The following FOXK1 variants were observed in gnomAD, a reference collection of about 807,000 sequenced individuals.
FOXK1 encodes forkhead box protein K1.
A neutral mutation model predicts 51.9 loss-of-function variants in FOXK1; 19 were observed. The ratio of observed to expected loss-of-function variants is 0.37; its 90% CI spans 0.26 to 0.54. FOXK1 has a LOEUF of 0.54. Ranked by LOEUF, FOXK1 falls within the 20% of genes least tolerant of loss-of-function variation. The pLI, the probability that FOXK1 is intolerant of heterozygous loss-of-function variation, is 0.87. For missense variants in FOXK1, 870 were observed against 1,032.7 expected, an observed-to-expected ratio of 0.84 and a Z score of 2.16; for synonymous variants, 537 against 482.6, an observed-to-expected ratio of 1.11 and a Z score of -1.48.
intron 1 of FOXK1, among the ~76,000 whole-genome samples, chr7:4,691,833 C>T (rs1315516517): frequency 2.0e-5 from 3 of 152,132 alleles, no homozygotes; most frequent in Non-Finnish European, 4.4e-5. Context: ...TCAGCAGAGA[C>T]CCTGTTATTA....
intron 1 of FOXK1, among the ~76,000 whole-genome samples, chr7:4,739,250 C>CG (rs936267180): frequency 6.6e-6 from 1 of 152,206 alleles, no homozygotes; most frequent in African/African-American, 2.4e-5. Flanking sequence ...TGAATGCCTT[C>CG]GGGAACTCTG....
intron 1 of FOXK1, among the ~76,000 whole-genome samples, chr7:4,688,644 C>T (rs1350043251): frequency 1.3e-5 from 2 of 152,170 alleles, no homozygotes; most frequent in African/African-American, 4.8e-5. Context: ...GCCTCAGCCT[C>T]TCAAAGTGTT....
At chr7:4,726,897 G>A (rs1436675178) in intron 1 of FOXK1, among the ~76,000 whole-genome samples, 1 of 152,170 alleles carries the variant, frequency 6.6e-6, no homozygotes, top group Non-Finnish European at 1.5e-5. Flanking sequence ...TTAGCACACA[G>A]TACCTGGTAT....
chr7:4,757,294 C>A, intron 5 of FOXK1, 107 bp downstream of exon 5: 1 of 1,014,410 alleles, frequency 9.9e-7, no homozygotes, highest in Non-Finnish European at 1.5e-6. Context: ...GGCTCAGGCT[C>A]AGTGTACGGG....
intron 1 of FOXK1, among the ~76,000 whole-genome samples, chr7:4,724,046 T>G (rs779131344): frequency 7.9e-5 from 12 of 152,108 alleles, no homozygotes; most frequent in Non-Finnish European, 2.9e-5. Context: ...GTACTTTGGA[T>G]TATTAAGTTG....
In FOXK1 at chr7:4,759,091, C is replaced by T; in HGVS notation, c.1285C>T (p.Pro429Ser). 1.2e-6 allele frequency: 2 copies of T among 1,610,412 alleles called. No individual in the cohort carries two copies. Among genetic ancestry groups the T allele is most frequent in the Non-Finnish European group, 1.7e-6 (2 of 1,179,536 alleles). The part of the protein sequence containing the change: ...ASPTHPGLMS[P>S]RSGGLQTPEC... ...GCCCACACACCCCGGGCTGATGTCCCCTCGCTCCGGCGGCCTGCAGACCCC... is the reference window on the plus strand; with the variant it reads ...GCCCACACACCCCGGGCTGATGTCCTCTCGCTCCGGCGGCCTGCAGACCCC... The change falls in exon 6 of 9, where the codon CCT becomes TCT. Residue 429 changes from proline to serine, a missense_variant. By Grantham distance (74) the Pro-to-Ser change is moderately conservative. This residue lies in a region of FOXK1 where 457 missense variants were observed against 510.8 expected (regional missense o/e 0.89). Coordinates refer to ENST00000328914, the MANE Select transcript of FOXK1 (RefSeq NM_001037165.2).
In FOXK1 at chr7:4,756,159, G is replaced by A. The variant is rs555764915; in HGVS notation, c.1050+776G>A. On this transcript the variant is annotated intron_variant, in intron 4 of 8. Transcript: ENST00000328914. This position sits in a 1 kb window ranked among gnomAD's most constrained non-coding sequence, Gnocchi z 4.1. ...AGACAGGATCTCGCTCTGCCATCCCGGCTGGAGTGTGGTGGCGCGATCTCA... is the reference window on the plus strand; with the variant it reads ...AGACAGGATCTCGCTCTGCCATCCCAGCTGGAGTGTGGTGGCGCGATCTCA... Among the ~76,000 whole-genome samples, 16 of 152,190 alleles carry A rather than the reference G, an allele frequency of 1.1e-4. No homozygotes were observed. The South Asian group carries it at 1.7e-3, about 16-fold the overall frequency.
chr7:4,761,186 G>A lies in FOXK1; in HGVS notation c.1819G>A (p.Ala607Thr), dbSNP rs565840410. The A allele has an allele frequency of 1.4e-4, 230 of 1,612,866 alleles. 1 individual carries two copies. In the South Asian group the frequency reaches 2.0e-3, roughly 14 times the overall value. Residue 607 changes from alanine (A) to threonine (T), a missense_variant, in exon 8 of 9, where the codon GCC (alanine) becomes ACC (threonine). Physicochemically the swap from Ala to Thr is moderately conservative, Grantham distance 58. Coordinates refer to ENST00000328914, the MANE Select transcript of FOXK1 (RefSeq NM_001037165.2). The surrounding 1 kb of genome is among the most constrained non-coding windows in gnomAD (Gnocchi z 6.2). ...ACACACGGTCACCATCCTGCAGCCC[G>A]CCACACCCGTGACCCTCGGGCAGCA... ...PGHTVTILQPATPVTLGQHHL... is the reference protein window; with the variant it reads ...PGHTVTILQPTTPVTLGQHHL...
Position 4,682,554 on chromosome 7 carries a change from G to A in FOXK1, c.246G>A (p.Ala82=). Residue 82 remains alanine (A), a synonymous_variant, in exon 1 of 9, where the codon GCG becomes GCA. Coordinates refer to ENST00000328914, the MANE Select transcript of FOXK1 (RefSeq NM_001037165.2). This position sits in a 1 kb window ranked among gnomAD's most constrained non-coding sequence, Gnocchi z 7.6. ...GGSSGVSGDS[A]VAGAAPALVA... is the part of the protein sequence containing the mutation. ...CCTCCGGGGTATCCGGGGACTCCGC[G>A]GTCGCGGGCGCGGCGCCGGCCCTGG... 8.6e-7 allele frequency: 1 copy of A among 1,163,590 alleles called. No individual in the cohort carries two copies. Among genetic ancestry groups the A allele is most frequent in the Middle Eastern group, 3.5e-4 (1 of 2,824 alleles). 72.1% of individuals were successfully genotyped at this position (1,163,590 alleles called of 1,614,324 possible).
rs188315763 is a variant in FOXK1, at chr7:4,749,919, C to T, written c.747-4540C>T. On this transcript the variant is annotated intron_variant, in intron 2 of 8. Coordinates refer to ENST00000328914, the MANE Select transcript of FOXK1 (RefSeq NM_001037165.2). The surrounding 1 kb of genome is among the most constrained non-coding windows in gnomAD (Gnocchi z 6.0). ...TGTGTGTCCCACAGCCCGTCCGTCCCTCTGCAGTCTCCCTGCACTGGCATG... is the reference window on the plus strand; with the variant it reads ...TGTGTGTCCCACAGCCCGTCCGTCCTTCTGCAGTCTCCCTGCACTGGCATG... 5.3e-5 allele frequency among the ~76,000 whole-genome samples: 8 copies of T among 152,342 alleles called. No individual in the cohort carries two copies. Among genetic ancestry groups the T allele is most frequent in the Admixed American group, 2.6e-4 (4 of 15,300 alleles).
Position 4,689,988 on chromosome 7 carries a change from G to T in FOXK1, c.560+7120G>T, listed in dbSNP as rs139032343. Reference sequence around the variant, plus strand: ...ATCAGTCTCTTTCCAGCGAGTAGACGTGAAAACTCAGGTGGTGCTGTCTCG... The same window carrying T: ...ATCAGTCTCTTTCCAGCGAGTAGACTTGAAAACTCAGGTGGTGCTGTCTCG... On this transcript the variant is annotated intron_variant, in intron 1 of 8. Transcript: ENST00000328914. Among the ~76,000 whole-genome samples, 21 of 152,314 alleles carry T rather than the reference G, an allele frequency of 1.4e-4. No homozygotes were observed. The South Asian group carries it at 3.9e-3, about 29-fold the overall frequency.
chr7:4,768,804 C>T lies in FOXK1; in HGVS notation c.*6340C>T, dbSNP rs775017998. 7 of 152,282 alleles carry T rather than the reference C, an allele frequency of 4.6e-5. No homozygotes were observed. Among genetic ancestry groups the T allele is most frequent in the Non-Finnish European group, 1.0e-4 (7 of 68,104 alleles). The allele number at this position is 152,282 out of a possible 1,614,324, so 9.4% of individuals were successfully genotyped here. A position where few individuals can be genotyped will look rare whatever the true frequency, so the allele number is the denominator to read the frequency against. On this transcript the variant is annotated 3_prime_UTR_variant, in exon 9 of 9. Transcript: ENST00000328914. ...GACTGATGAACCTCGCCGTGCCTGT[C>T]TGTCACATCCAAGTCTGTGCCAGCT...
In FOXK1 at chr7:4,734,982, G is replaced by A. The variant is rs989583140; in HGVS notation, c.561-5856G>A. The stretch of plus-strand genomic sequence containing the variant: ...CTGATTATTTCTCTGAGTCTGAAAT[G>A]ATGACAATTGTATTTATATTTATGT... On this transcript the variant is annotated intron_variant, in intron 1 of 8. Transcript: ENST00000328914. This position sits in a 1 kb window ranked among gnomAD's most constrained non-coding sequence, Gnocchi z 5.2. Among the ~76,000 whole-genome samples the A allele has an allele frequency of 6.6e-6, 1 of 152,184 alleles. No individual in the cohort carries two copies. The highest frequency in any genetic ancestry group is 1.5e-5 in the Non-Finnish European group (1 of 68,050).
At position 4,764,385 on chromosome 7, in the gene FOXK1, G is replaced by A. The variant is rs1019591524; in HGVS notation, c.*1921G>A. On this transcript the variant is annotated 3_prime_UTR_variant, in exon 9 of 9. Transcript: ENST00000328914. ...CTCTTTGTGGAAGTCCGTACCTGTT[G>A]CCCTGGGTGAGGTTTCAGAGAAACG... The A allele has an allele frequency of 1.3e-5, 2 of 154,456 alleles. No individual in the cohort carries two copies. The allele number at this position is 154,456 out of a possible 1,614,324, so 9.6% of individuals were successfully genotyped here. A position where few individuals can be genotyped will look rare whatever the true frequency, so the allele number is the denominator to read the frequency against.
At chr7:4,740,278 A>C (rs1011600126) in intron 1 of FOXK1, among the ~76,000 whole-genome samples, 1 of 151,866 alleles carries the variant, frequency 6.6e-6, no homozygotes, top group Non-Finnish European at 1.5e-5. Context: ...AAAATATAAA[A>C]AATTAGCCGG....
chr7:4,742,288 G>T (rs1780644266), intron 2 of FOXK1, among the ~76,000 whole-genome samples: 1 of 152,212 alleles, frequency 6.6e-6, no homozygotes, highest in African/African-American at 2.4e-5. Flanking sequence ...CTGTTGGAGC[G>T]AGCGCTGTGG....
rs143814460 is a variant in FOXK1 at position 4,711,844 on chromosome 7, G to A, written c.560+28976G>A. ...CAGAGAGAAAAGATTGCGGCCGGCC[G>A]GTGTCAAGGCGGGGGACCTGTGAGC... is the stretch of plus-strand genomic sequence containing the variant. On this transcript the variant is annotated intron_variant, in intron 1 of 8. Transcript: ENST00000328914. This position sits in a 1 kb window ranked among gnomAD's most constrained non-coding sequence, Gnocchi z 6.3. Among the ~76,000 whole-genome samples the A allele has an allele frequency of 0.011, 1,702 of 152,218 alleles. 32 individuals carry two copies. Among genetic ancestry groups the A allele is most frequent in the African/African-American group, 0.039 (1,622 of 41,530 alleles).
Position 4,703,763 on chromosome 7 carries a change from C to G in FOXK1, c.560+20895C>G, listed in dbSNP as rs921477949. On this transcript the variant is annotated intron_variant, in intron 1 of 8. Coordinates refer to ENST00000328914, the MANE Select transcript of FOXK1 (RefSeq NM_001037165.2). The surrounding 1 kb of genome is among the most constrained non-coding windows in gnomAD (Gnocchi z 5.6). Reference sequence around the variant, plus strand: ...TGCTCCGGAGGCACTTTCAGAGCATCGTGACTAGATAAAAGTAGGTGAAAA... The same window carrying G: ...TGCTCCGGAGGCACTTTCAGAGCATGGTGACTAGATAAAAGTAGGTGAAAA... 1.8e-4 allele frequency among the ~76,000 whole-genome samples: 27 copies of G among 152,146 alleles called. No homozygotes were observed. Among genetic ancestry groups the G allele is most frequent in the Middle Eastern group, 3.4e-3 (1 of 294 alleles).
rs955612962 is a variant in FOXK1, at chr7:4,735,073, G to T, written c.561-5765G>T. Among the ~76,000 whole-genome samples the T allele has an allele frequency of 2.6e-5, 4 of 152,162 alleles. No homozygotes were observed. The highest frequency in any genetic ancestry group is 9.7e-5 in the African/African-American group (4 of 41,442). ...TTTCTGTTTGGCCGGGCAGGTGGTAGGATTTGTGGCCTAGGGAGGGGATGG... is the reference window on the plus strand; with the variant it reads ...TTTCTGTTTGGCCGGGCAGGTGGTATGATTTGTGGCCTAGGGAGGGGATGG... On this transcript the variant is annotated intron_variant, in intron 1 of 8. Transcript: ENST00000328914. The surrounding 1 kb of genome is among the most constrained non-coding windows in gnomAD (Gnocchi z 4.7).
Sources: gnomAD v4.1 joint callset for allele counts (sites outside exome capture counted in the v4.1 genomes callset) on GRCh38, gnomAD v4.1.1 for gene constraint, gnomAD v4.1.1 regional missense constraint, Gnocchi (gnomAD v3.1) non-coding constraint, MANE v1.5 for transcripts, NCBI Gene and HGNC (gene_info 2026-07-23, HGNC 2026-07-21) for gene names.